RAMP1: variants seen among roughly 807,000 people sequenced by gnomAD.
RAMP1 encodes receptor activity-modifying protein 1.
RAMP1 carries 7 observed loss-of-function variants against 8.2 expected under a neutral mutation model. That is an observed-to-expected ratio of 0.85 (90% CI 0.49 to 1.60). RAMP1 has a LOEUF of 1.60. Ranked by LOEUF, RAMP1 falls within the 40% of genes most tolerant of loss-of-function variation. The pLI, the probability that RAMP1 is intolerant of heterozygous loss-of-function variation, is 0.00. For missense variants in RAMP1, 192 were observed against 202.4 expected (o/e 0.95, Z 0.31); for synonymous variants, 92 against 84.7 (o/e 1.09, Z -0.47).
At chr2:237,885,686 C>G (rs1337232086) in intron 2 of RAMP1, among the ~76,000 whole-genome samples, 1 of 152,140 alleles carries the variant, frequency 6.6e-6, no homozygotes, top group African/African-American at 2.4e-5. Context: ...GCCTACTGAC[C>G]TCCCTGCCCA....
At chr2:237,893,221 G>A (rs1052318792) in intron 2 of RAMP1, among the ~76,000 whole-genome samples, 1 of 152,178 alleles carries the variant, frequency 6.6e-6, no homozygotes, top group South Asian at 2.1e-4. Flanking sequence ...TGGGTGTTTG[G>A]GATGTCATCA....
intron 2 of RAMP1, among the ~76,000 whole-genome samples, chr2:237,889,298 G>T (rs1048479838): frequency 1.3e-5 from 2 of 152,176 alleles, no homozygotes; most frequent in Admixed American, 1.3e-4. Flanking sequence ...ATGCCCACAA[G>T]ATTATGTTCT....
In RAMP1 at chr2:237,865,433, C is replaced by G. The variant is rs1308115779; in HGVS notation, c.52+5706C>G. On this transcript the variant is annotated intron_variant, in intron 1 of 2. Coordinates refer to ENST00000254661, the MANE Select transcript of RAMP1 (RefSeq NM_005855.4). This position sits in a 1 kb window ranked among gnomAD's most constrained non-coding sequence, Gnocchi z 4.2. The stretch of plus-strand genomic sequence containing the variant: ...AGGAAACATGGGAGCCCCAGGCAAA[C>G]TGGAATTTCAGATAAACAAGAAGCA... Among the ~76,000 whole-genome samples, 1 of 151,914 alleles carries G rather than the reference C, an allele frequency of 6.6e-6. No individual in the cohort carries two copies. Among genetic ancestry groups the G allele is most frequent in the African/African-American group, 2.4e-5 (1 of 41,336 alleles).
intron 2 of RAMP1, among the ~76,000 whole-genome samples, chr2:237,908,353 ACT>A (rs1367793406): frequency 1.3e-5 from 2 of 148,678 alleles, no homozygotes; most frequent in Non-Finnish European, 3.0e-5. Flanking sequence ...CCTGTGGCAA[ACT>A]CTGTCGGGGT....
intron 2 of RAMP1, among the ~76,000 whole-genome samples, chr2:237,880,096 G>A (rs2062352181): frequency 6.6e-6 from 1 of 152,062 alleles, no homozygotes; most frequent in South Asian, 2.1e-4. Flanking sequence ...AGCCCCTGGG[G>A]TCTGCGTTTG....
Position 237,865,171 on chromosome 2 carries a change from G to C in RAMP1, c.52+5444G>C, listed in dbSNP as rs1188012091. 6.6e-6 allele frequency among the ~76,000 whole-genome samples: 1 copy of C among 151,880 alleles called. No individual in the cohort carries two copies. The highest frequency in any genetic ancestry group is 1.5e-5 in the Non-Finnish European group (1 of 67,956). On this transcript the variant is annotated intron_variant, in intron 1 of 2. Transcript: ENST00000254661. The surrounding 1 kb of genome is among the most constrained non-coding windows in gnomAD (Gnocchi z 4.2). ...GAAAGTGATGGACTCCAGTCCCTGG[G>C]CCTGGATGCAGGAAGTGAGGCAGCG...
intron 2 of RAMP1, among the ~76,000 whole-genome samples, chr2:237,901,155 G>A (rs2062593089): frequency 6.6e-6 from 1 of 152,246 alleles, no homozygotes; most frequent in South Asian, 2.1e-4. Flanking sequence ...GGTCTGCTGG[G>A]AAGCCCACAC....
intron 1 of RAMP1, among the ~76,000 whole-genome samples, chr2:237,868,560 T>G (rs1006694288): frequency 6.9e-6 from 1 of 145,512 alleles, no homozygotes; most frequent in Non-Finnish European, 1.5e-5. Context: ...TCTTCCCCAC[T>G]GATTCCCTCC....
intron 2 of RAMP1, among the ~76,000 whole-genome samples, chr2:237,904,477 G>A (rs1053957940): frequency 2.6e-5 from 4 of 151,088 alleles, no homozygotes; most frequent in African/African-American, 7.3e-5. Flanking sequence ...GTGTGGTGGT[G>A]CACGCCTGTA....
chr2:237,901,295 C>T (rs895340805), intron 2 of RAMP1, among the ~76,000 whole-genome samples: 4 of 152,228 alleles, frequency 2.6e-5, no homozygotes, highest in Non-Finnish European at 5.9e-5. Flanking sequence ...TCTTACCCTC[C>T]CTGCCCCGGT....
chr2:237,876,030 T>G (rs73090688), intron 1 of RAMP1, among the ~76,000 whole-genome samples: 8,595 of 152,126 alleles, frequency 0.056, 470 homozygotes, highest in African/African-American at 0.14. Context: ...GAAGCCTCAG[T>G]TCCCCCATCC....
Position 237,859,701 on chromosome 2 carries a change from C to A in RAMP1, c.26C>A (p.Pro9Gln). 1 of 1,512,756 alleles carries A rather than the reference C, an allele frequency of 6.6e-7. No individual in the cohort carries two copies. The highest frequency in any genetic ancestry group is 8.8e-7 in the Non-Finnish European group (1 of 1,131,326). The allele number at this position is 1,512,756 out of a possible 1,614,324, so 93.7% of individuals were successfully genotyped here. MARALCRLPRRGLWLLLAH... is the reference protein window; with the variant it reads MARALCRLQRRGLWLLLAH... The stretch of plus-strand genomic sequence containing the variant: ...ATGGCCCGGGCCCTGTGCCGCCTCC[C>A]GCGGCGCGGCCTCTGGCTGCTCCTG... The change falls in exon 1 of 3, where the codon CCG (proline) becomes CAG (glutamine). Residue 9 changes from proline (P) to glutamine (Q), a missense_variant. By Grantham distance (76) the Pro-to-Gln change is moderately conservative. Coordinates refer to ENST00000254661, the MANE Select transcript of RAMP1 (RefSeq NM_005855.4).
At chr2:237,894,773 C>T (rs564384536) in intron 2 of RAMP1, among the ~76,000 whole-genome samples, 29 of 152,318 alleles carry the variant, frequency 1.9e-4, no homozygotes, top group African/African-American at 6.7e-4. Context: ...CGGCTGGAAC[C>T]TTCTCCCTTG....
At chr2:237,872,237 G>A (rs1021000911) in intron 1 of RAMP1, among the ~76,000 whole-genome samples, 12 of 152,154 alleles carry the variant, frequency 7.9e-5, no homozygotes, top group African/African-American at 2.7e-4. Context: ...GCCTATTCTC[G>A]GCCTGCCCTG....
At chr2:237,864,955 GT>G (rs2151002325) in intron 1 of RAMP1, among the ~76,000 whole-genome samples, 1 of 152,318 alleles carries the variant, frequency 6.6e-6, no homozygotes, top group South Asian at 2.1e-4. Context: ...GCCGAAGCTG[GT>G]GCTGGAGGAA....
At chr2:237,875,257 A>C (rs3769031) in intron 1 of RAMP1, among the ~76,000 whole-genome samples, 39,765 of 152,106 alleles carry the variant, frequency 0.26, 6,316 homozygotes, top group African/African-American at 0.45. Flanking sequence ...TGGGGGGTGC[A>C]TCCACAGCGG....
At chr2:237,896,337 T>A (rs1319632628) in intron 2 of RAMP1, among the ~76,000 whole-genome samples, 1 of 152,146 alleles carries the variant, frequency 6.6e-6, no homozygotes, top group Non-Finnish European at 1.5e-5. Flanking sequence ...TGGCTGCACA[T>A]GGAGCCAGGG....
At chr2:237,884,492 G>T (rs928361100) in intron 2 of RAMP1, among the ~76,000 whole-genome samples, 2 of 152,114 alleles carry the variant, frequency 1.3e-5, no homozygotes, top group African/African-American at 4.8e-5. Flanking sequence ...ATAAAACATG[G>T]GTTTTTAAAA....
At chr2:237,861,488 A>T (rs959609879) in intron 1 of RAMP1, among the ~76,000 whole-genome samples, 1 of 152,208 alleles carries the variant, frequency 6.6e-6, no homozygotes, top group African/African-American at 2.4e-5. Flanking sequence ...ACTCTAGTTT[A>T]CAGGTTTAAG....
Sources: gnomAD v4.1 joint callset for allele counts (sites outside exome capture counted in the v4.1 genomes callset) on GRCh38, gnomAD v4.1.1 for gene constraint, Gnocchi (gnomAD v3.1) non-coding constraint, MANE v1.5 for transcripts, NCBI Gene and HGNC (gene_info 2026-07-23, HGNC 2026-07-21) for gene names.